The following SCFD2 variants were observed in gnomAD, a reference collection of about 807,000 sequenced individuals.
The protein encoded by SCFD2 is sec1 family domain-containing protein 2.
In SCFD2, 54 loss-of-function variants were observed where a neutral mutation model predicts 58.9. That is an observed-to-expected ratio of 0.92 (90% CI 0.74 to 1.15). The LOEUF (loss-of-function observed/expected upper bound fraction) is 1.15. Ranked by LOEUF, SCFD2 falls within the 50% of genes most tolerant of loss-of-function variation. The pLI, the probability that SCFD2 is intolerant of heterozygous loss-of-function variation, is 0.00. For synonymous variants in SCFD2, 321 were observed against 335.9 expected, an observed-to-expected ratio of 0.96 and a Z score of 0.49; for missense variants, 805 against 836.6, an observed-to-expected ratio of 0.96 and a Z score of 0.47.
intron 4 of SCFD2, among the ~76,000 whole-genome samples, chr4:53,264,366 C>T (rs1283265055): frequency 6.6e-6 from 1 of 152,206 alleles, no homozygotes; most frequent in Admixed American, 6.5e-5. Context: ...CAGAAGTTCA[C>T]GATGTGAATC....
intron 4 of SCFD2, among the ~76,000 whole-genome samples, chr4:53,154,532 C>T (rs1367488060): frequency 6.6e-6 from 1 of 152,228 alleles, no homozygotes; most frequent in East Asian, 1.9e-4. Context: ...TTGAGAATCA[C>T]ATTTCAACAT....
At chr4:52,993,119 T>C (rs951897747) in intron 5 of SCFD2, among the ~76,000 whole-genome samples, 2 of 151,566 alleles carry the variant, frequency 1.3e-5, no homozygotes, top group Non-Finnish European at 1.5e-5. Context: ...CTCTGAAACA[T>C]GTGCTGTGTC....
intron 4 of SCFD2, among the ~76,000 whole-genome samples, chr4:53,195,303 C>T (rs570637071): frequency 1.3e-3 from 203 of 152,258 alleles, no homozygotes; most frequent in African/African-American, 4.4e-3. Context: ...AGTATGTTAT[C>T]GGTCAGAGAC....
chr4:53,286,741 T>G, intron 3 of SCFD2, among the ~76,000 whole-genome samples: 1 of 152,128 alleles, frequency 6.6e-6, no homozygotes, highest in Non-Finnish European at 1.5e-5. Context: ...CTTTGGAGTC[T>G]GAGCTGTTGA....
intron 4 of SCFD2, among the ~76,000 whole-genome samples, chr4:53,202,232 C>T (rs1181791538): frequency 3.9e-5 from 6 of 152,188 alleles, no homozygotes; most frequent in South Asian, 2.1e-4. Context: ...CCAGTTTCAG[C>T]TCTCTACATA....
intron 5 of SCFD2, among the ~76,000 whole-genome samples, chr4:52,969,252 G>A (rs1721037464): frequency 6.6e-6 from 1 of 152,116 alleles, no homozygotes; most frequent in East Asian, 1.9e-4. Flanking sequence ...ACCCTATTGT[G>A]GTGGTCTGTA....
At chr4:53,023,608 A>T (rs1041425467) in intron 5 of SCFD2, among the ~76,000 whole-genome samples, 10 of 152,170 alleles carry the variant, frequency 6.6e-5, no homozygotes, top group African/African-American at 2.4e-4. Flanking sequence ...TCATCTATAT[A>T]GGACATATGA....
intron 5 of SCFD2, among the ~76,000 whole-genome samples, chr4:53,078,397 ATAAT>A (rs1204432367): frequency 2.0e-5 from 3 of 152,226 alleles, no homozygotes; most frequent in Non-Finnish European, 2.9e-5. Context: ...GAGCACAGCC[ATAAT>A]TAATTAATAA....
At chr4:53,121,304 G>C (rs1725470942) in intron 5 of SCFD2, among the ~76,000 whole-genome samples, 1 of 152,166 alleles carries the variant, frequency 6.6e-6, no homozygotes, top group African/African-American at 2.4e-5. Context: ...TGGGAGCACA[G>C]GCCCCTTCTA....
At chr4:53,215,422 A>G (rs1329157938) in intron 4 of SCFD2, among the ~76,000 whole-genome samples, 6 of 152,088 alleles carry the variant, frequency 3.9e-5, no homozygotes, top group Non-Finnish European at 5.9e-5. Context: ...GCAATTGTGA[A>G]TGGGAGTTCA....
chr4:52,921,787 A>T (rs1004327962), intron 5 of SCFD2, among the ~76,000 whole-genome samples: 1 of 152,182 alleles, frequency 6.6e-6, no homozygotes, highest in Non-Finnish European at 1.5e-5. Flanking sequence ...TCAGGCAGTT[A>T]GTCTGTCTGT....
intron 8 of SCFD2, among the ~76,000 whole-genome samples, chr4:52,882,461 T>G (rs1196290467): frequency 6.6e-6 from 1 of 152,284 alleles, no homozygotes; most frequent in East Asian, 1.9e-4. Context: ...ATGCAAAGTA[T>G]TGTTCCTGGG....
chr4:53,329,737 T>A (rs1733362365), intron 2 of SCFD2, among the ~76,000 whole-genome samples: 1 of 151,886 alleles, frequency 6.6e-6, no homozygotes, highest in South Asian at 2.1e-4. Flanking sequence ...GGAACAAAGC[T>A]GGATGGAGAA....
At chr4:53,126,303 G>T (rs532879819) in intron 5 of SCFD2, among the ~76,000 whole-genome samples, 1 of 152,264 alleles carries the variant, frequency 6.6e-6, no homozygotes, top group South Asian at 2.1e-4. Context: ...TAAAATGGCA[G>T]ATTGCGTTAA....
chr4:53,055,816 C>T (rs1429850089), intron 5 of SCFD2, among the ~76,000 whole-genome samples: 1 of 152,018 alleles, frequency 6.6e-6, no homozygotes, highest in East Asian at 1.9e-4. Context: ...AGTGTGGCTT[C>T]CTAGGGTCTG....
intron 4 of SCFD2, among the ~76,000 whole-genome samples, chr4:53,214,430 G>GT (rs1164910617): frequency 1.3e-5 from 2 of 152,054 alleles, no homozygotes; most frequent in African/African-American, 2.4e-5. Flanking sequence ...TTTTTCATGT[G>GT]TTTTTTGTCT....
At position 52,954,686 on chromosome 4, in the gene SCFD2, C is replaced by G. The variant is rs971742302; in HGVS notation, c.1562-33816G>C. On this transcript the variant is annotated intron_variant, in intron 5 of 8. Coordinates refer to ENST00000401642, the MANE Select transcript of SCFD2 (RefSeq NM_152540.4). Reference sequence around the variant, plus strand: ...GTCCAGAGAAAAGTAAATAAAATAACCATGGCTTACACAGCTGCATCAGAA... The same window carrying G: ...GTCCAGAGAAAAGTAAATAAAATAAGCATGGCTTACACAGCTGCATCAGAA... Among the ~76,000 whole-genome samples, 12 of 152,146 alleles carry G rather than the reference C, an allele frequency of 7.9e-5. No individual in the cohort carries two copies. In the East Asian group the frequency reaches 2.3e-3, roughly 29 times the overall value.
intron 4 of SCFD2, among the ~76,000 whole-genome samples, chr4:53,218,323 T>G (rs1728925962): frequency 1.3e-5 from 2 of 152,350 alleles, no homozygotes; most frequent in Admixed American, 1.3e-4. Context: ...CCATATTTCT[T>G]GGAAGCTGTG....
At chr4:53,045,061 C>CA (rs1723005199) in intron 5 of SCFD2, among the ~76,000 whole-genome samples, 1 of 152,090 alleles carries the variant, frequency 6.6e-6, no homozygotes, top group African/African-American at 2.4e-5. Context: ...ATTCAATGGA[C>CA]AATAGTAGGA....
Sources: allele counts gnomAD v4.1 joint callset (sites outside exome capture counted in the v4.1 genomes callset), GRCh38; gene constraint gnomAD v4.1.1; transcripts MANE v1.5; gene names NCBI Gene and HGNC (gene_info 2026-07-23, HGNC 2026-07-21).